Variants in MCF2L observed in about 807,000 individuals in gnomAD.
MCF2L encodes MCF.2 cell line derived transforming sequence like, also known as guanine nucleotide exchange factor DBS.
Under a neutral mutation model 153.4 loss-of-function variants are expected in MCF2L, and 97 were observed. That is an observed-to-expected ratio of 0.63 (90% confidence interval 0.54 to 0.75). MCF2L has a LOEUF of 0.75. Among genes scored for constraint, MCF2L ranks in the 30% least tolerant of loss-of-function variants. MCF2L has a pLI of 0.00. For synonymous variants in MCF2L, 659 were observed against 632.2 expected (o/e 1.04, Z -0.64); for missense variants, 1,347 against 1,495.2 (o/e 0.90, Z 1.64).
At chr13:113,011,949 AGG>A (rs2084158543) in intron 1 of MCF2L, among the ~76,000 whole-genome samples, 1 of 116,116 alleles carries the variant, frequency 8.6e-6, no homozygotes, top group African/African-American at 3.0e-5. Flanking sequence ...GATGGTGGAC[AGG>A]CGGTGTGGAC....
At position 112,971,722 on chromosome 13, in the gene MCF2L, C is replaced by T. The variant is rs76887876; in HGVS notation, c.79+2264C>T. On this transcript the variant is annotated intron_variant, in intron 1 of 29. Transcript: ENST00000535094. ...TGTAGCCTTTGACCTTGAGAATTGA[C>T]ATTTTATATACTTTTCTGAACCTGA... 8.3e-3 allele frequency among the ~76,000 whole-genome samples: 1,271 copies of T among 152,348 alleles called. 10 individuals carry two copies. Among genetic ancestry groups the T allele is most frequent in the Non-Finnish European group, 0.014 (942 of 68,036 alleles).
chr13:113,074,904 A>C lies in MCF2L; in HGVS notation c.1117-94A>C. The C allele has an allele frequency of 8.9e-7, 1 of 1,129,656 alleles. No individual in the cohort carries two copies. Among genetic ancestry groups the C allele is most frequent in the African/African-American group, 1.5e-5 (1 of 64,888 alleles). The allele number at this position is 1,129,656 out of a possible 1,614,324, so 70.0% of individuals were successfully genotyped here. ...GCAGTAAACAAAGAAATCAAGACAC[A>C]CGTGTGCCCCGGGACACACATCCCG... On this transcript the variant is annotated intron_variant, in intron 10 of 29. Coordinates refer to ENST00000535094, the MANE Select transcript of MCF2L (RefSeq NM_001112732.3). This position sits in a 1 kb window ranked among gnomAD's most constrained non-coding sequence, Gnocchi z 4.2.
intron 1 of MCF2L, chr13:112,985,254 G>T (rs2082587510): frequency 5.2e-6 from 2 of 384,496 alleles, no homozygotes; most frequent in Non-Finnish European, 1.1e-5. Context: ...TGAAATGAAA[G>T]TAAAAAGCCA....
Position 113,070,125 on chromosome 13 carries a change from A to G in MCF2L, c.948A>G (p.Lys316=). ...FDEFWAKHQQ[K]LEQCLQLRHF... is the part of the protein sequence containing the mutation. ...AGTTCTGGGCAAAGCATCAGCAGAA[A>G]CTGGAGCAGTGTCTGCAGCTCCGGC... Residue 316 remains lysine, a synonymous_variant, in exon 9 of 30, where the codon AAA becomes AAG. Transcript: ENST00000535094. The surrounding 1 kb of genome is among the most constrained non-coding windows in gnomAD (Gnocchi z 5.6). The G allele has an allele frequency of 6.2e-7, 1 of 1,608,734 alleles. No individual in the cohort carries two copies.
chr13:113,074,393 C>A lies in MCF2L; in HGVS notation c.997-51C>A. ...TCTGGAGCACTGGAGTGGGTTCTCT[C>A]TGTTCAGGTGAGGGAGACACCCCCC... On this transcript the variant is annotated intron_variant, in intron 9 of 29. Coordinates refer to ENST00000535094, the MANE Select transcript of MCF2L (RefSeq NM_001112732.3). The surrounding 1 kb of genome is among the most constrained non-coding windows in gnomAD (Gnocchi z 4.2). 6.3e-7 allele frequency: 1 copy of A among 1,591,866 alleles called. No individual in the cohort carries two copies. Among genetic ancestry groups the A allele is most frequent in the Non-Finnish European group, 8.6e-7 (1 of 1,161,714 alleles).
intron 2 of MCF2L, among the ~76,000 whole-genome samples, chr13:112,946,123 A>G (rs904950845): frequency 1.3e-5 from 2 of 152,234 alleles, no homozygotes; most frequent in Non-Finnish European, 2.9e-5. Context: ...AACTCATGCT[A>G]AAATTTTTAA....
At chr13:112,931,359 C>T (rs908380564) in intron 2 of MCF2L, among the ~76,000 whole-genome samples, 4 of 152,214 alleles carry the variant, frequency 2.6e-5, no homozygotes, top group Non-Finnish European at 4.4e-5. Context: ...AGATACAGGT[C>T]GGCAGTGCTG....
intron 2 of MCF2L, among the ~76,000 whole-genome samples, chr13:112,911,280 C>T (rs2081229074): frequency 6.6e-6 from 1 of 152,236 alleles, no homozygotes; most frequent in Non-Finnish European, 1.5e-5. Context: ...CAATGTCCCA[C>T]GGCCAGGATG....
intron 20 of MCF2L, 93 bp downstream of exon 20, chr13:113,085,271 C>G (rs1257903742): frequency 1.9e-6 from 2 of 1,034,468 alleles, no homozygotes; most frequent in Non-Finnish European, 2.9e-6. Flanking sequence ...CGCGCCCTGC[C>G]CCTCCCAGGC....
intron 1 of MCF2L, among the ~76,000 whole-genome samples, chr13:112,980,182 G>A (rs1394261821): frequency 6.6e-6 from 1 of 152,244 alleles, no homozygotes; most frequent in Non-Finnish European, 1.5e-5. Flanking sequence ...CGTGGCCCAG[G>A]CCAGGTGGAC....
chr13:112,981,395 G>A (rs972234298), intron 1 of MCF2L, among the ~76,000 whole-genome samples: 2 of 152,200 alleles, frequency 1.3e-5, no homozygotes, highest in Non-Finnish European at 1.5e-5. Context: ...AGTGTCATCC[G>A]CTGTGAGTTC....
chr13:113,087,504 G>A (rs200891016), intron 22 of MCF2L, 48 bp downstream of exon 22: 23 of 1,464,454 alleles, frequency 1.6e-5, no homozygotes, highest in East Asian at 7.3e-5. Context: ...CACAGACCCC[G>A]ACGGGGGAAG....
At chr13:112,913,717 C>T (rs2081260012) in intron 2 of MCF2L, among the ~76,000 whole-genome samples, 1 of 150,324 alleles carries the variant, frequency 6.7e-6, no homozygotes, top group African/African-American at 2.5e-5. Flanking sequence ...ATCACGGCTG[C>T]CCCAGGGATG....
intron 2 of MCF2L, among the ~76,000 whole-genome samples, chr13:113,016,230 G>A (rs2084505309): frequency 6.6e-6 from 1 of 152,204 alleles, no homozygotes; most frequent in Non-Finnish European, 1.5e-5. Context: ...ACTCAGCTAA[G>A]CCCTTAGAAG....
At chr13:112,944,092 C>T (rs1363335619) in intron 2 of MCF2L, among the ~76,000 whole-genome samples, 1 of 141,832 alleles carries the variant, frequency 7.1e-6, no homozygotes, top group Admixed American at 7.0e-5. Flanking sequence ...GGAAGGGTTC[C>T]GGACCATGAG....
At chr13:113,026,282 G>C (rs200180989) in intron 3 of MCF2L, among the ~76,000 whole-genome samples, 2 of 149,584 alleles carry the variant, frequency 1.3e-5, no homozygotes, top group African/African-American at 4.9e-5. Flanking sequence ...GTTCCACCAT[G>C]GTGGGGTCCC....
chr13:113,079,345 T>G (rs1594958756), intron 15 of MCF2L, among the ~76,000 whole-genome samples: 2 of 151,092 alleles, frequency 1.3e-5, no homozygotes, highest in East Asian at 4.0e-4. Flanking sequence ...CAAACACCCA[T>G]GAGGCACACG....
At chr13:113,005,587 T>C (rs770423154) in intron 1 of MCF2L, among the ~76,000 whole-genome samples, 34 of 151,782 alleles carry the variant, frequency 2.2e-4, no homozygotes, top group Admixed American at 4.6e-4. Flanking sequence ...CGTGGTCTGT[T>C]TGTGGTGACC....
At chr13:112,988,876 G>C in intron 1 of MCF2L, among the ~76,000 whole-genome samples, 1 of 106,148 alleles carries the variant, frequency 9.4e-6, no homozygotes, top group African/African-American at 4.2e-5. Flanking sequence ...AGGGGATGGA[G>C]CTACCACGCC....
Sources: allele counts gnomAD v4.1 joint callset (sites outside exome capture counted in the v4.1 genomes callset), GRCh38; gene constraint gnomAD v4.1.1; non-coding constraint Gnocchi (gnomAD v3.1); transcripts MANE v1.5; gene names NCBI Gene and HGNC (gene_info 2026-07-23, HGNC 2026-07-21).